SNTG1: variants seen among roughly 807,000 people sequenced by gnomAD.
SNTG1 encodes gamma-1-syntrophin.
In SNTG1, 39 loss-of-function variants were observed where a neutral mutation model predicts 74.7. That is an observed-to-expected ratio of 0.52 (90% CI 0.40 to 0.68). The LOEUF (loss-of-function observed/expected upper bound fraction) is 0.68. Among genes scored for constraint, SNTG1 ranks in the 30% least tolerant of loss-of-function variants. The pLI, the probability that SNTG1 is intolerant of heterozygous loss-of-function variation, is 0.00. For missense variants in SNTG1, 685 were observed against 609.5 expected (o/e 1.12, Z -1.30); for synonymous variants, 254 against 217.1 (o/e 1.17, Z -1.49).
intron 2 of SNTG1, among the ~76,000 whole-genome samples, chr8:50,318,012 A>G (rs1394771027): frequency 6.6e-6 from 1 of 151,822 alleles, no homozygotes; most frequent in Non-Finnish European, 1.5e-5. Flanking sequence ...AATTTTTTGT[A>G]TTTTTAGTAG....
At chr8:50,018,941 A>C (rs1206633901) in intron 1 of SNTG1, among the ~76,000 whole-genome samples, 2 of 151,996 alleles carry the variant, frequency 1.3e-5, no homozygotes, top group Non-Finnish European at 2.9e-5. Context: ...TTAAACATAG[A>C]ATTGTTATAT....
intron 2 of SNTG1, among the ~76,000 whole-genome samples, chr8:50,387,451 G>T (rs1036655805): frequency 1.4e-4 from 21 of 152,098 alleles, no homozygotes; most frequent in Non-Finnish European, 1.5e-5. Context: ...CCTCTGCAGT[G>T]TACCAAGGCG....
At chr8:49,941,003 C>A (rs1052857030) in intron 1 of SNTG1, among the ~76,000 whole-genome samples, 7 of 152,228 alleles carry the variant, frequency 4.6e-5, no homozygotes, top group African/African-American at 1.7e-4. Flanking sequence ...CAGCCCTTGC[C>A]ATTTAGAGAT....
intron 5 of SNTG1, among the ~76,000 whole-genome samples, chr8:50,445,577 G>A (rs572447456): frequency 2.6e-5 from 4 of 152,288 alleles, no homozygotes; most frequent in South Asian, 2.1e-4. Context: ...TACAGAGCTA[G>A]CTATAAAATC....
intron 1 of SNTG1, among the ~76,000 whole-genome samples, chr8:50,040,587 T>C (rs1818551441): frequency 6.6e-6 from 1 of 152,174 alleles, no homozygotes; most frequent in African/African-American, 2.4e-5. Flanking sequence ...AGATATTCTG[T>C]AGGACAAGCA....
intron 2 of SNTG1, among the ~76,000 whole-genome samples, chr8:50,198,327 C>A (rs1307906445): frequency 1.3e-5 from 2 of 152,162 alleles, no homozygotes; most frequent in Admixed American, 1.3e-4. Flanking sequence ...CTGCTAATAG[C>A]GTTTTTCCTT....
chr8:50,558,001 T>C (rs1040808925), intron 12 of SNTG1, among the ~76,000 whole-genome samples: 1 of 152,122 alleles, frequency 6.6e-6, no homozygotes, highest in Non-Finnish European at 1.5e-5. Context: ...AGTTCCCCAC[T>C]CTTACTGGAT....
At chr8:50,444,274 A>C (rs1458902564) in intron 5 of SNTG1, among the ~76,000 whole-genome samples, 1 of 152,212 alleles carries the variant, frequency 6.6e-6, no homozygotes, top group African/African-American at 2.4e-5. Flanking sequence ...AGTTGTAATA[A>C]ATGTATGCCT....
intron 1 of SNTG1, among the ~76,000 whole-genome samples, chr8:49,947,376 T>A (rs1809292319): frequency 6.6e-6 from 1 of 152,222 alleles, no homozygotes; most frequent in African/African-American, 2.4e-5. Context: ...GACCAATGTT[T>A]AACCATTTTA....
chr8:50,008,821 G>A (rs1411105564), intron 1 of SNTG1, among the ~76,000 whole-genome samples: 1 of 152,142 alleles, frequency 6.6e-6, no homozygotes, highest in African/African-American at 2.4e-5. Flanking sequence ...ATTATATTAA[G>A]ATTTGTATAG....
At chr8:50,700,973 G>A (rs189259498) in intron 15 of SNTG1, among the ~76,000 whole-genome samples, 1 of 152,210 alleles carries the variant, frequency 6.6e-6, no homozygotes, top group Admixed American at 6.5e-5. Flanking sequence ...TATAACAGAA[G>A]ATCTTAAATT....
intron 1 of SNTG1, among the ~76,000 whole-genome samples, chr8:50,147,349 G>A (rs550143917): frequency 1.8e-4 from 28 of 152,262 alleles, no homozygotes; most frequent in Admixed American, 9.2e-4. Context: ...GCTGACTTGA[G>A]AAACATCAGA....
chr8:50,599,836 G>C (rs190823407), intron 13 of SNTG1, among the ~76,000 whole-genome samples: 56 of 152,062 alleles, frequency 3.7e-4, no homozygotes, highest in African/African-American at 1.2e-3. Context: ...AGGACTTCCA[G>C]TACTATTTTG....
intron 1 of SNTG1, among the ~76,000 whole-genome samples, chr8:50,007,405 T>G (rs1009343798): frequency 6.6e-6 from 1 of 152,084 alleles, no homozygotes; most frequent in East Asian, 1.9e-4. Flanking sequence ...GAGGGAGAGA[T>G]AGTTTTCACC....
intron 2 of SNTG1, among the ~76,000 whole-genome samples, chr8:50,276,373 TTATATATATATATATATATA>T (rs6150576): frequency 1.2e-4 from 17 of 143,424 alleles, no homozygotes; most frequent in Admixed American, 5.5e-4. Flanking sequence ...CAAGTAAATT[TTATATATATATATATATATA>T]TATATATATA....
chr8:49,944,634 C>T (rs1047429243), intron 1 of SNTG1, among the ~76,000 whole-genome samples: 25 of 149,444 alleles, frequency 1.7e-4, no homozygotes, highest in Non-Finnish European at 2.8e-4. Flanking sequence ...TGCTAAATGA[C>T]GAGTTAATGG....
chr8:50,210,476 G>A (rs539572056), intron 2 of SNTG1, among the ~76,000 whole-genome samples: 1 of 152,316 alleles, frequency 6.6e-6, no homozygotes, highest in South Asian at 2.1e-4. Context: ...GGCAGCCAGA[G>A]AGAAAGGTAG....
At chr8:50,170,881 A>G (rs764835042) in intron 1 of SNTG1, among the ~76,000 whole-genome samples, 6 of 152,158 alleles carry the variant, frequency 3.9e-5, no homozygotes, top group Admixed American at 6.5e-5. Context: ...TGGGCATGCA[A>G]CCATCTCCAC....
rs1254542547 is a variant in SNTG1, at chr8:50,450,564, T to G, written c.286T>G (p.Ser96Ala). The G allele has an allele frequency of 3.1e-6, 5 of 1,613,332 alleles. No individual in the cohort carries two copies. The East Asian group carries it at 6.7e-5, about 22-fold the overall frequency. The change falls in exon 7 of 19, where the codon TCA (serine) becomes GCA (alanine). Residue 96 changes from serine to alanine, a missense_variant. Transcript: ENST00000642720. ...KISKEQRAELSGLLFIGDAIL... is the reference protein window; with the variant it reads ...KISKEQRAELAGLLFIGDAIL... ...TGCTTTTTCATTCACAGCGGAACTT[T>G]CAGGACTACTTTTTATTGGAGATGC...
Sources: allele counts gnomAD v4.1 joint callset (sites outside exome capture counted in the v4.1 genomes callset), GRCh38; gene constraint gnomAD v4.1.1; transcripts MANE v1.5; gene names NCBI Gene and HGNC (gene_info 2026-07-23, HGNC 2026-07-21).